ATP8B2: variants seen among roughly 807,000 people sequenced by gnomAD.
ATP8B2 encodes the protein phospholipid-transporting ATPase ID.
In ATP8B2, 70 loss-of-function variants were observed where a neutral mutation model predicts 133.4. The ratio of observed to expected loss-of-function variants is 0.52; its 90% CI spans 0.43 to 0.64. The LOEUF is 0.64. Among genes scored for constraint, ATP8B2 ranks in the 30% least tolerant of loss-of-function variants. The probability of loss-of-function intolerance (pLI) is 0.00; values close to 1 mark genes in which losing one functional copy is unlikely to be tolerated. For missense variants in ATP8B2, 1,101 were observed against 1,535.7 expected (o/e 0.72, Z 4.73); for synonymous variants, 517 against 589.5 (o/e 0.88, Z 1.78).
At position 154,349,104 on chromosome 1, in the gene ATP8B2, C is replaced by T. The variant is rs765345573; in HGVS notation, c.3559C>T (p.Pro1187Ser). ...ASSPSGGADKPLKG is the reference protein window; with the variant it reads ...ASSPSGGADKSLKG Reference sequence around the variant, plus strand: ...TAGCCCCAGTGGCGGTGCCGACAAGCCCCTCAAGGGCTGAAGGCCGAGGAT... The same window carrying T: ...TAGCCCCAGTGGCGGTGCCGACAAGTCCCTCAAGGGCTGAAGGCCGAGGAT... The change falls in exon 28 of 28, where the codon CCC (proline) becomes TCC (serine). Residue 1187 changes from proline (P) to serine (S), a missense_variant. Pro to Ser is a moderately conservative substitution (Grantham distance 74). Transcript: ENST00000368489. 1.2e-6 allele frequency: 2 copies of T among 1,613,734 alleles called. No individual in the cohort carries two copies. Among genetic ancestry groups the T allele is most frequent in the Non-Finnish European group, 1.7e-6 (2 of 1,179,782 alleles).
At chr1:154,337,660 A>G in intron 12 of ATP8B2, 116 bp downstream of exon 12, 1 of 1,606,540 alleles carries the variant, frequency 6.2e-7, no homozygotes, top group Non-Finnish European at 8.5e-7. Flanking sequence ...TTCTTCCTGT[A>G]CTGTAAACAT....
At chr1:154,338,985 A>C (rs1047621753) in intron 12 of ATP8B2, among the ~76,000 whole-genome samples, 4 of 152,232 alleles carry the variant, frequency 2.6e-5, no homozygotes, top group Admixed American at 1.3e-4. Flanking sequence ...AAGACGAGGC[A>C]GGAGGAATGG....
intron 13 of ATP8B2, among the ~76,000 whole-genome samples, chr1:154,342,123 C>T (rs1304813092): frequency 6.6e-6 from 1 of 152,072 alleles, no homozygotes; most frequent in Non-Finnish European, 1.5e-5. Context: ...TGATGCCTTT[C>T]GGTCAGTGTC....
In ATP8B2 at chr1:154,331,621, G is replaced by A. The variant is rs149294064; in HGVS notation, c.381G>A (p.Gln127=). The change falls in exon 7 of 28, where the codon CAG becomes CAA. Residue 127 remains glutamine, a synonymous_variant. Coordinates refer to ENST00000368489, the MANE Select transcript of ATP8B2 (RefSeq NM_001370597.1). The surrounding 1 kb of genome is among the most constrained non-coding windows in gnomAD (Gnocchi z 4.8). ...GTTGCCTCAGCCTCCAGCAGGAGCA[G>A]TGGATGAATGTCTGTGTTGGTGATA... The part of the protein sequence containing the change: ...VLINGILQQE[Q]WMNVCVGDII... 3.4e-4 allele frequency: 552 copies of A among 1,614,146 alleles called. 1 individual carries two copies. Among genetic ancestry groups the A allele is most frequent in the Non-Finnish European group, 4.5e-4 (529 of 1,180,062 alleles).
chr1:154,335,956 G>T (rs1006885171), intron 11 of ATP8B2, among the ~76,000 whole-genome samples: 1 of 149,884 alleles, frequency 6.7e-6, no homozygotes, highest in African/African-American at 2.5e-5. Flanking sequence ...GGAAAATGGC[G>T]TGAACCCGGG....
chr1:154,337,236 C>T, intron 11 of ATP8B2, 112 bp from the exon 12 acceptor site: 1 of 1,271,150 alleles, frequency 7.9e-7, no homozygotes, highest in Non-Finnish European at 1.1e-6. Context: ...GACAAGCTTG[C>T]ACTAGAGCAT....
At chr1:154,339,866 C>T (rs562698544) in intron 12 of ATP8B2, among the ~76,000 whole-genome samples, 5 of 152,088 alleles carry the variant, frequency 3.3e-5, no homozygotes, top group Admixed American at 1.3e-4. Context: ...GAAGAGGATA[C>T]GAACAGACCT....
Position 154,343,300 on chromosome 1 carries a change from A to AGGTGAGGCCAGGCCTGGGGT in ATP8B2, c.1642+1_1642+20dup. 1 of 1,613,902 alleles carries AGGTGAGGCCAGGCCTGGGGT rather than the reference A, an allele frequency of 6.2e-7. No homozygotes were observed. The highest frequency in any genetic ancestry group is 8.5e-7 in the Non-Finnish European group (1 of 1,179,912). On this transcript the variant is annotated frameshift_variant and splice_region_variant, in exon 16 of 28. Transcript: ENST00000368489. LOFTEE classifies it high-confidence loss of function. The surrounding 1 kb of genome is among the most constrained non-coding windows in gnomAD (Gnocchi z 5.8). ...ACATCCGCAAGCGGATGTCGGTCAT[A>AGGTGAGGCCAGGCCTGGGGT]GGTGAGGCCAGGCCTGGGGTGCTGG...
Position 154,343,650 on chromosome 1 carries a change from T to C in ATP8B2, c.1758+82T>C. 7.5e-7 allele frequency: 1 copy of C among 1,326,816 alleles called. No individual in the cohort carries two copies. Among genetic ancestry groups the C allele is most frequent in the South Asian group, 1.2e-5 (1 of 83,522 alleles). 82.2% of individuals were successfully genotyped at this position (1,326,816 alleles called of 1,614,324 possible). On this transcript the variant is annotated intron_variant, in intron 17 of 27. Coordinates refer to ENST00000368489, the MANE Select transcript of ATP8B2 (RefSeq NM_001370597.1). The surrounding 1 kb of genome is among the most constrained non-coding windows in gnomAD (Gnocchi z 5.8). ...GGCGACTTAAGTTTGTTTTATTGTG[T>C]AAATTTAAGGTCTACAACGTGATGT...
At chr1:154,338,101 C>G (rs1041668032) in intron 12 of ATP8B2, among the ~76,000 whole-genome samples, 1 of 152,122 alleles carries the variant, frequency 6.6e-6, no homozygotes, top group Non-Finnish European at 1.5e-5. Context: ...GGGAGAGTGT[C>G]GCTCCCTAAG....
At chr1:154,332,103 G>A in intron 8 of ATP8B2, 79 bp downstream of exon 8, 1 of 1,462,458 alleles carries the variant, frequency 6.8e-7, no homozygotes, top group East Asian at 2.3e-5. Flanking sequence ...GAGGTTCTCA[G>A]GCCTGGGCTC....
chr1:154,330,962 C>G (rs1467588388), intron 4 of ATP8B2, 34 bp downstream of exon 4: 1 of 1,603,818 alleles, frequency 6.2e-7, no homozygotes, highest in Non-Finnish European at 8.5e-7. Context: ...TTGCAGCTCC[C>G]CAAACTGAAT....
In ATP8B2 at chr1:154,334,505, C is replaced by T. The variant is rs750128506; in HGVS notation, c.751C>T (p.Pro251Ser). 6.2e-7 allele frequency: 1 copy of T among 1,614,022 alleles called. No homozygotes were observed. The highest frequency in any genetic ancestry group is 8.5e-7 in the Non-Finnish European group (1 of 1,179,994). Residue 251 changes from proline (P) to serine (S), a missense_variant and splice_region_variant, in exon 11 of 28, where the codon CCC (proline) becomes TCC (serine). Pro to Ser is a moderately conservative substitution (Grantham distance 74). Coordinates refer to ENST00000368489, the MANE Select transcript of ATP8B2 (RefSeq NM_001370597.1). This position sits in a 1 kb window ranked among gnomAD's most constrained non-coding sequence, Gnocchi z 4.6. ...WCFGLVIFAG[P>S]DTKLMQNSGR... is the part of the protein sequence containing the mutation. ...CAGCCCTTCCCATTCTTTTCCAGGTCCCGACACTAAGCTGATGCAAAACAG... is the reference window on the plus strand; with the variant it reads ...CAGCCCTTCCCATTCTTTTCCAGGTTCCGACACTAAGCTGATGCAAAACAG...
Position 154,349,324 on chromosome 1 carries a change from G to T in ATP8B2, c.*206G>T, listed in dbSNP as rs1686709592. The T allele has an allele frequency of 4.1e-6, 3 of 737,256 alleles. No homozygotes were observed. The highest frequency in any genetic ancestry group is 4.3e-6 in the Non-Finnish European group (2 of 465,072). The allele number at this position is 737,256 out of a possible 1,614,324, so 45.7% of individuals were successfully genotyped here. On this transcript the variant is annotated 3_prime_UTR_variant, in exon 28 of 28. Coordinates refer to ENST00000368489, the MANE Select transcript of ATP8B2 (RefSeq NM_001370597.1). ...ACCAGCTGGGGAGCTAGAGGGAGCAGGCCCAAGGGCAGAGCAGAGGCTGAG... is the reference window on the plus strand; with the variant it reads ...ACCAGCTGGGGAGCTAGAGGGAGCATGCCCAAGGGCAGAGCAGAGGCTGAG...
rs907259860 is a variant in ATP8B2 at position 154,331,722 on chromosome 1, T to A, written c.438+44T>A. The A allele has an allele frequency of 2.5e-6, 4 of 1,573,464 alleles. No homozygotes were observed. The highest frequency in any genetic ancestry group is 1.7e-5 in the Admixed American group (1 of 59,946). On this transcript the variant is annotated intron_variant, in intron 7 of 27. Coordinates refer to ENST00000368489, the MANE Select transcript of ATP8B2 (RefSeq NM_001370597.1). This position sits in a 1 kb window ranked among gnomAD's most constrained non-coding sequence, Gnocchi z 4.8. The stretch of plus-strand genomic sequence containing the variant: ...CTCTAGGCCTGTAGGTTCTTCCTCT[T>A]CTTTGTGAGAAAAGGATGAATCTTT...
intron 12 of ATP8B2, chr1:154,337,941 A>C (rs1570860616): frequency 2.6e-6 from 1 of 391,880 alleles, no homozygotes; most frequent in East Asian, 6.0e-5. Flanking sequence ...GTAGAATTCG[A>C]CCTAGAGTCT....
chr1:154,346,698 C>G lies in ATP8B2; in HGVS notation c.3103C>G (p.Leu1035Val). The change falls in exon 26 of 28, where the codon CTC becomes GTC. Residue 1035 changes from leucine to valine, a missense_variant. Physicochemically the swap from Leu to Val is conservative, Grantham distance 32. Transcript: ENST00000368489. This position sits in a 1 kb window ranked among gnomAD's most constrained non-coding sequence, Gnocchi z 4.5. ...WGSLAVYFAI[L>V]FAMHSNGLFD... ...AAGCCTTGCTGTTTACTTTGCCATC[C>G]TCTTTGCCATGCACAGCAATGGGCT... is the stretch of plus-strand genomic sequence containing the variant. 6.2e-7 allele frequency: 1 copy of G among 1,614,192 alleles called. No individual in the cohort carries two copies.
At position 154,328,934 on chromosome 1, in the gene ATP8B2, C is replaced by T; in HGVS notation, c.31+762C>T. On this transcript the variant is annotated intron_variant, in intron 2 of 27. Coordinates refer to ENST00000368489, the MANE Select transcript of ATP8B2 (RefSeq NM_001370597.1). The surrounding 1 kb of genome is among the most constrained non-coding windows in gnomAD (Gnocchi z 4.6). ...CCCCGGGGAGCCGCCCCGTCGATGC[C>T]ACTAAGGCCAAGGACATATAGACGG... is the stretch of plus-strand genomic sequence containing the variant. 2 of 1,297,804 alleles carry T rather than the reference C, an allele frequency of 1.5e-6. No individual in the cohort carries two copies. Among genetic ancestry groups the T allele is most frequent in the Non-Finnish European group, 2.0e-6 (2 of 986,174 alleles). The allele number at this position is 1,297,804 out of a possible 1,614,324, so 80.4% of individuals were successfully genotyped here.
At position 154,351,249 on chromosome 1, in the gene ATP8B2, A is replaced by G. The variant is rs1388448230; in HGVS notation, c.*2131A>G. The stretch of plus-strand genomic sequence containing the variant: ...ACACATTTCTATACTTGCAAAAATT[A>G]TATCATTTTATGGATATAAGAGAAA... On this transcript the variant is annotated 3_prime_UTR_variant, in exon 28 of 28. Coordinates refer to ENST00000368489, the MANE Select transcript of ATP8B2 (RefSeq NM_001370597.1). 6.6e-6 allele frequency: 1 copy of G among 152,528 alleles called. No homozygotes were observed. The highest frequency in any genetic ancestry group is 2.4e-5 in the African/African-American group (1 of 41,422). The allele number at this position is 152,528 out of a possible 1,614,324, so 9.4% of individuals were successfully genotyped here.
Sources: allele counts gnomAD v4.1 joint callset (sites outside exome capture counted in the v4.1 genomes callset), GRCh38; gene constraint gnomAD v4.1.1; non-coding constraint Gnocchi (gnomAD v3.1); transcripts MANE v1.5; gene names NCBI Gene and HGNC (gene_info 2026-07-23, HGNC 2026-07-21).